The following PDZD9 variants were observed in gnomAD, a reference collection of about 807,000 sequenced individuals.
PDZD9 encodes the protein PDZ domain-containing protein 9.
Under a neutral mutation model 16.3 loss-of-function variants are expected in PDZD9, and 13 were observed. The ratio of observed to expected loss-of-function variants is 0.80; its 90% confidence interval spans 0.52 to 1.27. The LOEUF (loss-of-function observed/expected upper bound fraction) is 1.27. Among genes scored for constraint, PDZD9 ranks in the 50% most tolerant of loss-of-function variants. The probability of loss-of-function intolerance (pLI) is 0.00; values close to 1 mark genes in which losing one functional copy is unlikely to be tolerated. For synonymous variants in PDZD9, 120 were observed against 111.0 expected, an observed-to-expected ratio of 1.08 and a Z score of -0.51; for missense variants, 288 against 310.9, an observed-to-expected ratio of 0.93 and a Z score of 0.55.
the PDZD9 span, among the ~76,000 whole-genome samples, chr16:21,970,696 C>T: frequency 2.0e-4 from 31 of 152,248 alleles, no homozygotes; most frequent in African/African-American, 6.7e-4. Context: ...AGCAATTCTC[C>T]GGCCTCAGCC....
the PDZD9 span, chr16:21,962,643 A>AGT: frequency 6.3e-7 from 1 of 1,591,810 alleles, no homozygotes. Context: ...AAACTGCTCA[A>AGT]AAACACTGCT....
At chr16:21,972,106 C>T in the PDZD9 span, 1 of 1,613,690 alleles carries the variant, frequency 6.2e-7, no homozygotes, top group Non-Finnish European at 8.5e-7. Context: ...GCCAAGGCAA[C>T]TCAGCAGCCA....
chr16:21,994,387 C>T (rs963553840), intron 2 of PDZD9, among the ~76,000 whole-genome samples: 1 of 152,214 alleles, frequency 6.6e-6, no homozygotes, highest in African/African-American at 2.4e-5. Flanking sequence ...CTCACCATGG[C>T]GCCAGCCCAT....
At chr16:21,983,172 T>C (rs1898777638), downstream of PDZD9, 6 of 1,613,590 alleles carry the variant, frequency 3.7e-6, no homozygotes, top group Non-Finnish European at 2.5e-6. Context: ...TGAGTTGTAA[T>C]ACTGATGCAC....
At position 21,993,656 on chromosome 16, in the gene PDZD9, G is replaced by A. The variant is rs117646915; in HGVS notation, c.211+2666C>T. 1.4e-4 allele frequency among the ~76,000 whole-genome samples: 22 copies of A among 152,150 alleles called. No individual in the cohort carries two copies. In the East Asian group the frequency reaches 4.2e-3, roughly 29 times the overall value. On this transcript the variant is annotated intron_variant, in intron 2 of 3. Transcript: ENST00000424898. ...GAATCAAAAACCTGTAGGGAGATAG[G>A]GACCAGGCATCTTGGTTTTAAAAAC...
intron 2 of PDZD9, among the ~76,000 whole-genome samples, chr16:21,990,598 G>C (rs1056449045): frequency 2.0e-5 from 3 of 152,148 alleles, no homozygotes; most frequent in African/African-American, 7.2e-5. Context: ...CCTGCAGCTT[G>C]AGCAATATGA....
chr16:21,992,934 T>C (rs1899058783), intron 2 of PDZD9, among the ~76,000 whole-genome samples: 1 of 152,080 alleles, frequency 6.6e-6, no homozygotes, highest in South Asian at 2.1e-4. Context: ...GTCATGATAG[T>C]GAGTGAGTTC....
downstream of PDZD9, chr16:21,980,347 C>T: frequency 1.7e-6 from 1 of 597,592 alleles, no homozygotes; most frequent in East Asian, 2.9e-5. Flanking sequence ...CCTGAAGAGA[C>T]TTCTTCCCTT....
chr16:21,959,787 G>A, the PDZD9 span: 1 of 152,208 alleles, frequency 6.6e-6, no homozygotes, highest in Admixed American at 6.5e-5. Context: ...GATCCATGGG[G>A]TGCAGAAGGG....
chr16:21,982,794 G>A (rs532692647), downstream of PDZD9, among the ~76,000 whole-genome samples: 109 of 152,004 alleles, frequency 7.2e-4, 1 homozygote, highest in African/African-American at 2.5e-3. Flanking sequence ...GCGAAATCCC[G>A]TCTCTACTAA....
chr16:21,962,559 T>C, the PDZD9 span: 2 of 1,613,000 alleles, frequency 1.2e-6, no homozygotes, highest in Non-Finnish European at 1.7e-6. Context: ...TTGAAAGAAA[T>C]ACTAAGCTGC....
At chr16:21,978,477 T>G in the PDZD9 span, among the ~76,000 whole-genome samples, 1 of 152,208 alleles carries the variant, frequency 6.6e-6, no homozygotes. Context: ...GTGCCCATAT[T>G]TAAGCTGCCG....
At chr16:21,974,831 C>G in the PDZD9 span, among the ~76,000 whole-genome samples, 2 of 152,168 alleles carry the variant, frequency 1.3e-5, no homozygotes. Context: ...ACCTTTTAGC[C>G]TTACAGACAG....
the PDZD9 span, among the ~76,000 whole-genome samples, chr16:21,966,537 C>T: frequency 6.6e-6 from 1 of 152,142 alleles, no homozygotes; most frequent in Non-Finnish European, 1.5e-5. Flanking sequence ...ATATCTGACT[C>T]AAAAATTCAA....
chr16:21,974,486 A>T, the PDZD9 span, among the ~76,000 whole-genome samples: 1 of 152,210 alleles, frequency 6.6e-6, no homozygotes, highest in Non-Finnish European at 1.5e-5. Context: ...CACCATTTTG[A>T]CCCACAGTGA....
At chr16:21,991,298 C>T (rs1053380262) in intron 2 of PDZD9, among the ~76,000 whole-genome samples, 2 of 151,716 alleles carry the variant, frequency 1.3e-5, no homozygotes, top group South Asian at 4.2e-4. Flanking sequence ...TGCAGGGATA[C>T]AAATACAGCT....
the PDZD9 span, among the ~76,000 whole-genome samples, chr16:21,977,674 T>G: frequency 6.6e-6 from 1 of 152,200 alleles, no homozygotes; most frequent in African/African-American, 2.4e-5. Context: ...ATACAGCCGC[T>G]TAAGACATTT....
intron 2 of PDZD9, among the ~76,000 whole-genome samples, chr16:21,989,416 A>G (rs1898969438): frequency 6.6e-6 from 1 of 152,204 alleles, no homozygotes; most frequent in Non-Finnish European, 1.5e-5. Flanking sequence ...ACCAGCTGTT[A>G]GGATTCTAAA....
the PDZD9 span, among the ~76,000 whole-genome samples, chr16:21,969,483 G>A: frequency 1.3e-5 from 2 of 152,172 alleles, no homozygotes; most frequent in African/African-American, 4.8e-5. Flanking sequence ...AGTGAGCTGA[G>A]ATCGTGCCAC....
Sources: allele counts gnomAD v4.1 joint callset (sites outside exome capture counted in the v4.1 genomes callset), GRCh38; gene constraint gnomAD v4.1.1; transcripts MANE v1.5; gene names NCBI Gene and HGNC (gene_info 2026-07-23, HGNC 2026-07-21).